The following CA10 variants were observed in gnomAD, a reference collection of about 807,000 sequenced individuals.
CA10 encodes the protein carbonic anhydrase 10 (inactive), also known as carbonic anhydrase-related protein 10.
Under a neutral mutation model 44.2 loss-of-function variants are expected in CA10, and 14 were observed. That is an observed-to-expected ratio of 0.32 (90% CI 0.21 to 0.50). CA10 has a LOEUF of 0.50. CA10 is among the 20% of genes least tolerant of loss of function. CA10 has a pLI of 0.99. For synonymous variants in CA10, 159 were observed against 141.6 expected (o/e 1.12, Z -0.87); for missense variants, 350 against 409.7 (o/e 0.85, Z 1.26).
chr17:52,157,530 C>CCG (rs928404406), intron 1 of CA10, among the ~76,000 whole-genome samples, 196 bp downstream of exon 1: 1 of 82,976 alleles, frequency 1.2e-5, no homozygotes, highest in African/African-American at 5.7e-5. Context: ...ATCCTAACCA[C>CCG]CCCCCCCCGC....
intron 3 of CA10, among the ~76,000 whole-genome samples, chr17:51,864,527 A>G (rs930424206): frequency 6.6e-6 from 1 of 152,154 alleles, no homozygotes; most frequent in Non-Finnish European, 1.5e-5. Flanking sequence ...TCATCCCACT[A>G]TCACCATTTC....
chr17:51,740,031 T>TA (rs1354821702), intron 4 of CA10, among the ~76,000 whole-genome samples: 2 of 152,138 alleles, frequency 1.3e-5, no homozygotes, highest in East Asian at 3.8e-4. Context: ...TAATTTAACA[T>TA]AAAAAATTCT....
intron 3 of CA10, among the ~76,000 whole-genome samples, chr17:51,911,507 A>G (rs975397952): frequency 4.6e-5 from 7 of 152,152 alleles, no homozygotes; most frequent in African/African-American, 1.4e-4. Context: ...CTGTATTGCA[A>G]TAGGCCCTGG....
chr17:52,125,379 A>C (rs1472522404), intron 1 of CA10, among the ~76,000 whole-genome samples: 1 of 152,186 alleles, frequency 6.6e-6, no homozygotes, highest in African/African-American at 2.4e-5. Context: ...TGACCAGCCA[A>C]AGAGCAGGTG....
intron 3 of CA10, among the ~76,000 whole-genome samples, chr17:51,753,525 T>C (rs1904965465): frequency 6.6e-6 from 1 of 152,210 alleles, no homozygotes; most frequent in South Asian, 2.1e-4. Context: ...ATCCTGTTCA[T>C]AAAGATGGCA....
At chr17:51,830,859 C>T (rs2143783604) in intron 3 of CA10, among the ~76,000 whole-genome samples, 1 of 152,258 alleles carries the variant, frequency 6.6e-6, no homozygotes, top group South Asian at 2.1e-4. Flanking sequence ...CCTCCCTGCT[C>T]AAAAACAGGA....
chr17:51,717,589 A>G (rs1393587948), intron 4 of CA10, among the ~76,000 whole-genome samples: 2 of 138,272 alleles, frequency 1.4e-5, no homozygotes, highest in African/African-American at 5.5e-5. Flanking sequence ...AAAAATATAT[A>G]TTTGTGTATA....
At chr17:51,635,268 T>A (rs1318536695) in intron 7 of CA10, among the ~76,000 whole-genome samples, 2 of 151,838 alleles carry the variant, frequency 1.3e-5, no homozygotes, top group Admixed American at 6.6e-5. Flanking sequence ...ATCCCAGCAC[T>A]TTGGGAGGTC....
chr17:51,798,635 C>A (rs1270293914), intron 3 of CA10, among the ~76,000 whole-genome samples: 1 of 152,148 alleles, frequency 6.6e-6, no homozygotes, highest in African/African-American at 2.4e-5. Context: ...GCTAATGCAG[C>A]TTGAGAATTT....
chr17:51,782,334 T>C (rs371799524), intron 3 of CA10, among the ~76,000 whole-genome samples: 1 of 152,214 alleles, frequency 6.6e-6, no homozygotes, highest in Non-Finnish European at 1.5e-5. Context: ...TTCCCATCCA[T>C]CACACAAGCA....
chr17:52,101,899 CTTT>C (rs1235286943), intron 1 of CA10, among the ~76,000 whole-genome samples: 1 of 152,060 alleles, frequency 6.6e-6, no homozygotes, highest in Admixed American at 6.5e-5. Flanking sequence ...TTCTCCCTCC[CTTT>C]TTTCTTTCCT....
chr17:51,692,523 T>G (rs1369952360), intron 4 of CA10, among the ~76,000 whole-genome samples: 1 of 152,184 alleles, frequency 6.6e-6, no homozygotes, highest in South Asian at 2.1e-4. Flanking sequence ...CCAACTTGGA[T>G]AATCATTTTC....
chr17:51,965,602 A>C (rs1425199731), intron 2 of CA10, among the ~76,000 whole-genome samples: 4 of 152,082 alleles, frequency 2.6e-5, no homozygotes, highest in Non-Finnish European at 4.4e-5. Flanking sequence ...AATTAAACCC[A>C]AAAATCATAC....
chr17:51,631,898 A>G (rs545468363), intron 8 of CA10, among the ~76,000 whole-genome samples: 1 of 152,312 alleles, frequency 6.6e-6, no homozygotes, highest in East Asian at 1.9e-4. Context: ...CCAATGTTCA[A>G]TAGCCACATA....
At chr17:51,872,464 T>C (rs1979863115) in intron 3 of CA10, among the ~76,000 whole-genome samples, 1 of 152,182 alleles carries the variant, frequency 6.6e-6, no homozygotes, top group South Asian at 2.1e-4. Flanking sequence ...CCACCAGATT[T>C]ATGACAAACC....
At chr17:51,694,188 G>C (rs1220649822) in intron 4 of CA10, among the ~76,000 whole-genome samples, 3 of 149,932 alleles carry the variant, frequency 2.0e-5, no homozygotes, top group Non-Finnish European at 4.4e-5. Flanking sequence ...TGGGCAACAA[G>C]AGCGAAACTC....
chr17:51,778,776 A>G (rs1371486006), intron 3 of CA10, among the ~76,000 whole-genome samples: 1 of 152,206 alleles, frequency 6.6e-6, no homozygotes, highest in African/African-American at 2.4e-5. Context: ...TAGAAGGTAC[A>G]ACAAATGCAG....
intron 2 of CA10, among the ~76,000 whole-genome samples, chr17:52,037,175 C>T (rs1422120708): frequency 6.6e-6 from 1 of 152,102 alleles, no homozygotes; most frequent in Non-Finnish European, 1.5e-5. Flanking sequence ...ATCTTGGCTA[C>T]CCAAATTCGA....
chr17:51,784,723 A>G (rs1315928674), intron 3 of CA10, among the ~76,000 whole-genome samples: 1 of 152,258 alleles, frequency 6.6e-6, no homozygotes, highest in East Asian at 1.9e-4. Flanking sequence ...CATAACAATC[A>G]CATCATGGAG....
Sources: allele counts gnomAD v4.1 joint callset (sites outside exome capture counted in the v4.1 genomes callset), GRCh38; gene constraint gnomAD v4.1.1; transcripts MANE v1.5; gene names NCBI Gene and HGNC (gene_info 2026-07-23, HGNC 2026-07-21).